GRIK2: variants seen among roughly 807,000 people sequenced by gnomAD.
The protein encoded by GRIK2 is glutamate receptor ionotropic, kainate 2.
A neutral mutation model predicts 100.3 loss-of-function variants in GRIK2; 32 were observed. That is an observed-to-expected ratio of 0.32 (90% CI 0.24 to 0.43). The LOEUF (loss-of-function observed/expected upper bound fraction) is 0.43, where lower values mean the gene tolerates loss of function less well. GRIK2 is among the 20% of genes least tolerant of loss of function. The pLI is 1.00. For missense variants in GRIK2, 843 were observed against 1,114.9 expected (o/e 0.76, Z 3.47); for synonymous variants, 417 against 389.4 (o/e 1.07, Z -0.83).
chr6:101,752,601 A>G (rs1776862650), intron 7 of GRIK2, among the ~76,000 whole-genome samples: 1 of 152,192 alleles, frequency 6.6e-6, no homozygotes, highest in South Asian at 2.1e-4. Context: ...TTAATCTTCT[A>G]TTTTATGTCT....
chr6:101,753,389 G>T (rs975013571), intron 7 of GRIK2, among the ~76,000 whole-genome samples: 1 of 151,840 alleles, frequency 6.6e-6, no homozygotes, highest in African/African-American at 2.4e-5. Flanking sequence ...TAAGAAGCAA[G>T]GGCATTTTAA....
At chr6:101,468,637 C>T (rs1264306171) in intron 2 of GRIK2, among the ~76,000 whole-genome samples, 2 of 152,120 alleles carry the variant, frequency 1.3e-5, no homozygotes, top group African/African-American at 4.8e-5. Flanking sequence ...GTTACAAGAA[C>T]CATTCCTCTT....
At chr6:101,875,988 A>G (rs983374197) in intron 11 of GRIK2, among the ~76,000 whole-genome samples, 1 of 149,344 alleles carries the variant, frequency 6.7e-6, no homozygotes, top group African/African-American at 2.5e-5. Context: ...AGAATTACAT[A>G]TATATTGTGT....
intron 2 of GRIK2, among the ~76,000 whole-genome samples, chr6:101,519,005 A>G (rs538161446): frequency 2.5e-4 from 38 of 152,316 alleles, no homozygotes; most frequent in African/African-American, 9.1e-4. Context: ...AAGACATGTA[A>G]GAGTATAAAA....
At chr6:101,572,435 T>C (rs147934945) in intron 2 of GRIK2, among the ~76,000 whole-genome samples, 19 of 152,310 alleles carry the variant, frequency 1.2e-4, no homozygotes, top group Middle Eastern at 3.4e-3. Context: ...GTGTGCGTAA[T>C]ACAATATGCT....
At chr6:101,404,034 T>C (rs559260288) in intron 2 of GRIK2, among the ~76,000 whole-genome samples, 1 of 152,386 alleles carries the variant, frequency 6.6e-6, no homozygotes, top group East Asian at 1.9e-4. Context: ...TTTTGTCTTC[T>C]AGAAATTGCA....
At chr6:101,736,453 A>T (rs895530230) in intron 7 of GRIK2, among the ~76,000 whole-genome samples, 1 of 152,188 alleles carries the variant, frequency 6.6e-6, no homozygotes, top group East Asian at 1.9e-4. Flanking sequence ...AAATCTAGGC[A>T]GAGGTTCCCA....
intron 14 of GRIK2, among the ~76,000 whole-genome samples, chr6:101,988,150 CGCGCGTGCG>C (rs1794152320): frequency 1.2e-4 from 1 of 8,414 alleles, no homozygotes; most frequent in African/African-American, 3.8e-4. Flanking sequence ...CGCGCGCGCG[CGCGCGTGCG>C]CGCACATGCA....
intron 2 of GRIK2, among the ~76,000 whole-genome samples, chr6:101,594,363 G>T (rs1778809011): frequency 6.6e-6 from 1 of 151,636 alleles, no homozygotes; most frequent in Non-Finnish European, 1.5e-5. Flanking sequence ...ACACAATAAT[G>T]AATAAAAAAG....
intron 4 of GRIK2, among the ~76,000 whole-genome samples, chr6:101,645,575 C>A (rs1781488310): frequency 6.6e-6 from 1 of 151,836 alleles, no homozygotes; most frequent in Non-Finnish European, 1.5e-5. Context: ...AAATATAAAC[C>A]ATTTTTGTTC....
chr6:101,840,178 A>T (rs185135728), intron 10 of GRIK2, among the ~76,000 whole-genome samples: 3 of 152,322 alleles, frequency 2.0e-5, no homozygotes, highest in South Asian at 4.1e-4. Context: ...CTTCCAAAGA[A>T]GGTAAAAAGC....
chr6:101,685,846 A>G (rs1252978884), intron 6 of GRIK2, among the ~76,000 whole-genome samples: 1 of 152,190 alleles, frequency 6.6e-6, no homozygotes. Context: ...AAATTAAAGC[A>G]AAATATTAAC....
chr6:101,553,130 G>A (rs1357230934), intron 2 of GRIK2, among the ~76,000 whole-genome samples: 2 of 152,104 alleles, frequency 1.3e-5, no homozygotes, highest in Admixed American at 1.3e-4. Flanking sequence ...AAAGGAGGCA[G>A]AAAAAGAAAA....
intron 14 of GRIK2, among the ~76,000 whole-genome samples, chr6:101,992,687 G>A (rs1444397243): frequency 1.3e-5 from 2 of 151,578 alleles, no homozygotes; most frequent in African/African-American, 2.4e-5. Flanking sequence ...AGCACAGTGG[G>A]CAAGTTTTAA....
At chr6:101,673,033 C>T (rs1770557057) in intron 4 of GRIK2, among the ~76,000 whole-genome samples, 1 of 152,156 alleles carries the variant, frequency 6.6e-6, no homozygotes. Flanking sequence ...CCCACCTTTT[C>T]TCCACAACTT....
At chr6:101,523,822 C>T (rs984795693) in intron 2 of GRIK2, among the ~76,000 whole-genome samples, 3 of 150,464 alleles carry the variant, frequency 2.0e-5, no homozygotes, top group South Asian at 4.2e-4. Context: ...TGGGTTCAAG[C>T]GATTCCACTG....
At chr6:101,791,589 C>CT (rs200659947) in intron 7 of GRIK2, among the ~76,000 whole-genome samples, 19,657 of 151,204 alleles carry the variant, frequency 0.13, 1,399 homozygotes, top group Admixed American at 0.21. Flanking sequence ...GTTATAATTT[C>CT]TTTTTTTTTA....
At chr6:101,739,782 C>A (rs193206335) in intron 7 of GRIK2, among the ~76,000 whole-genome samples, 1 of 152,222 alleles carries the variant, frequency 6.6e-6, no homozygotes, top group Admixed American at 6.5e-5. Flanking sequence ...CCTGTGCTAT[C>A]CTGGTAAATC....
intron 2 of GRIK2, among the ~76,000 whole-genome samples, chr6:101,603,014 A>G (rs977078957): frequency 1.3e-5 from 2 of 151,616 alleles, no homozygotes; most frequent in African/African-American, 2.4e-5. Context: ...CTTCTTGTTG[A>G]CTACATTCGA....
Sources: allele counts gnomAD v4.1 joint callset (sites outside exome capture counted in the v4.1 genomes callset), GRCh38; gene constraint gnomAD v4.1.1; transcripts MANE v1.5; gene names NCBI Gene and HGNC (gene_info 2026-07-23, HGNC 2026-07-21).